CSTL1: variants seen among roughly 807,000 people sequenced by gnomAD.
CSTL1 encodes cystatin like 1.
In CSTL1, 14 loss-of-function variants were observed where a neutral mutation model predicts 14.4. The ratio of observed to expected loss-of-function variants is 0.97; its 90% CI spans 0.64 to 1.52. The LOEUF (loss-of-function observed/expected upper bound fraction) is 1.52. Among genes scored for constraint, CSTL1 ranks in the 40% most tolerant of loss-of-function variants. CSTL1 has a pLI of 0.00. For synonymous variants in CSTL1, 72 were observed against 67.5 expected, an observed-to-expected ratio of 1.07 and a Z score of -0.33; for missense variants, 170 against 168.7, an observed-to-expected ratio of 1.01 and a Z score of -0.04.
At chr20:23,450,515 G>C in the CSTL1 span, 8 of 1,611,498 alleles carry the variant, frequency 5.0e-6, no homozygotes, top group Non-Finnish European at 6.8e-6. Flanking sequence ...CCTAGTCACT[G>C]CTGCAGCTTT....
chr20:23,445,962 C>T (rs955947701), downstream of CSTL1, among the ~76,000 whole-genome samples: 2 of 152,146 alleles, frequency 1.3e-5, no homozygotes, highest in African/African-American at 4.8e-5. Context: ...GCTCAATTCC[C>T]CCAGAAGTGA....
the CSTL1 span, among the ~76,000 whole-genome samples, chr20:23,457,147 G>C: frequency 6.6e-6 from 1 of 152,138 alleles, no homozygotes; most frequent in Non-Finnish European, 1.5e-5. Context: ...GGTTCTTTTG[G>C]CTGAGGTATG....
intron 2 of CSTL1, 78 bp from the exon 3 acceptor site, chr20:23,443,856 C>A: frequency 1.9e-6 from 2 of 1,028,162 alleles, no homozygotes; most frequent in Non-Finnish European, 3.0e-6. Context: ...GCTTTACTCT[C>A]AGTCCTAGCT....
chr20:23,453,812 C>G, the CSTL1 span, among the ~76,000 whole-genome samples: 1 of 152,136 alleles, frequency 6.6e-6, no homozygotes, highest in South Asian at 2.1e-4. Flanking sequence ...GCCAGGGCCT[C>G]TTTCCTGACA....
At chr20:23,454,843 A>G in the CSTL1 span, among the ~76,000 whole-genome samples, 1 of 152,216 alleles carries the variant, frequency 6.6e-6, no homozygotes, top group Non-Finnish European at 1.5e-5. Flanking sequence ...TATTTTCCTC[A>G]GTAACAGAGC....
the CSTL1 span, among the ~76,000 whole-genome samples, chr20:23,453,552 G>A: frequency 6.6e-6 from 1 of 152,240 alleles, no homozygotes; most frequent in African/African-American, 2.4e-5. Context: ...AGACTTGGCT[G>A]CCAGTTAGAG....
chr20:23,440,449 T>C lies in CSTL1; in HGVS notation c.182T>C (p.Leu61Ser). Residue 61 changes from leucine to serine, a missense_variant, in exon 2 of 4, where the codon TTA (leucine) becomes TCA (serine). Transcript: ENST00000347397. ...AACAATGCCAGCAACGACACCTACT[T>C]ATATCGAGTCCAGAGGCTAATTCGA... ...SYNNASNDTY[L>S]YRVQRLIRSQ... is the part of the protein sequence containing the mutation. 6.2e-7 allele frequency: 1 copy of C among 1,614,060 alleles called. No individual in the cohort carries two copies. Among genetic ancestry groups the C allele is most frequent in the Non-Finnish European group, 8.5e-7 (1 of 1,179,938 alleles).
downstream of CSTL1, chr20:23,444,949 C>T: frequency 9.8e-7 from 1 of 1,020,818 alleles, no homozygotes; most frequent in Non-Finnish European, 1.5e-6. Context: ...TCATTGGGGT[C>T]TTATTACACA....
rs967719174 is a variant in CSTL1 at position 23,444,053 on chromosome 20, T to A, written c.330+9T>A. 4 of 1,605,410 alleles carry A rather than the reference T, an allele frequency of 2.5e-6. No homozygotes were observed. The highest frequency in any genetic ancestry group is 1.7e-5 in the Admixed American group (1 of 60,000). ...GCAAGAAGCTGAGAAAGGTGTGTAG[T>A]GGAAGTCATCCCAAAGGGACTTGTG... On this transcript the variant is annotated intron_variant, in intron 3 of 3. Coordinates refer to ENST00000347397, the MANE Select transcript of CSTL1 (RefSeq NM_138283.1).
the CSTL1 span, among the ~76,000 whole-genome samples, chr20:23,454,616 C>T: frequency 2.6e-5 from 4 of 152,230 alleles, no homozygotes; most frequent in Admixed American, 6.5e-5. Flanking sequence ...TCTGTCTCCA[C>T]CTCCTGTCTG....
At position 23,444,772 on chromosome 20, in the gene CSTL1, G is replaced by C. The variant is rs1372063043; in HGVS notation, c.332G>C (p.Ser111Thr). 1 of 1,603,834 alleles carries C rather than the reference G, an allele frequency of 6.2e-7. No individual in the cohort carries two copies. The highest frequency in any genetic ancestry group is 1.3e-5 in the African/African-American group (1 of 74,822). Residue 111 changes from serine (S) to threonine (T), a missense_variant and splice_region_variant, in exon 4 of 4, where the codon AGT (serine) becomes ACT (threonine). Coordinates refer to ENST00000347397, the MANE Select transcript of CSTL1 (RefSeq NM_138283.1). ...TCTGTTTTCTTTCTTCTTCTACAGA[G>C]TTTAATTTGCGAGTCTTTGATATAC... The part of the protein sequence containing the change: ...CPLQSKKLRK[S>T]LICESLIYTM...
At position 23,440,322 on chromosome 20, in the gene CSTL1, T is replaced by C; in HGVS notation, c.55T>C (p.Ser19Pro). ...GCTGCTGCTGATTGCCCTGGTCCTG[T>C]CAGCCAAGCTGGGTCACTTCCAAAG... Reference protein sequence around the residue: ...PLLLLIALVLSAKLGHFQRWE... With the variant: ...PLLLLIALVLPAKLGHFQRWE... The change falls in exon 2 of 4, where the codon TCA (serine) becomes CCA (proline). Residue 19 changes from serine (S) to proline (P), a missense_variant. By Grantham distance (74) the Ser-to-Pro change is moderately conservative. Transcript: ENST00000347397. 6.2e-7 allele frequency: 1 copy of C among 1,614,178 alleles called. No individual in the cohort carries two copies. Among genetic ancestry groups the C allele is most frequent in the Non-Finnish European group, 8.5e-7 (1 of 1,180,036 alleles).
At chr20:23,443,756 T>A (rs536517481) in intron 2 of CSTL1, among the ~76,000 whole-genome samples, 178 bp from the exon 3 acceptor site, 6 of 152,330 alleles carry the variant, frequency 3.9e-5, no homozygotes, top group Admixed American at 3.9e-4. Context: ...GGGCTTTGGC[T>A]GCCATTGCCC....
the CSTL1 span, chr20:23,452,688 T>G: frequency 6.2e-7 from 1 of 1,614,120 alleles, no homozygotes; most frequent in Non-Finnish European, 8.5e-7. Flanking sequence ...TTCGCATAGT[T>G]TTCTACTGCC....
At chr20:23,440,585 T>A in intron 2 of CSTL1, 99 bp downstream of exon 2, 1 of 911,950 alleles carries the variant, frequency 1.1e-6, no homozygotes, top group Non-Finnish European at 1.8e-6. Flanking sequence ...CAAGTGGTGG[T>A]CCTCCGTGAG....
At chr20:23,450,352 G>A in the CSTL1 span, 26 of 537,930 alleles carry the variant, frequency 4.8e-5, no homozygotes, top group Admixed American at 1.7e-4. Flanking sequence ...TTATTACTAT[G>A]AGCTGAAGAA....
At chr20:23,453,936 AACAC>A in the CSTL1 span, among the ~76,000 whole-genome samples, 1 of 151,944 alleles carries the variant, frequency 6.6e-6, no homozygotes, top group Non-Finnish European at 1.5e-5. Flanking sequence ...CTCACACTGA[AACAC>A]AGACACACAA....
chr20:23,456,621 A>G, the CSTL1 span, among the ~76,000 whole-genome samples: 1 of 152,048 alleles, frequency 6.6e-6, no homozygotes, highest in Non-Finnish European at 1.5e-5. Context: ...AGCTGTGCTC[A>G]TTTCCTGTGG....
At chr20:23,451,930 C>T in the CSTL1 span, 1 of 1,606,760 alleles carries the variant, frequency 6.2e-7, no homozygotes, top group Non-Finnish European at 8.5e-7. Flanking sequence ...CCTGTGGGCG[C>T]CAGGCGTGGG....
Sources: allele counts gnomAD v4.1 joint callset (sites outside exome capture counted in the v4.1 genomes callset), GRCh38; gene constraint gnomAD v4.1.1; transcripts MANE v1.5; gene names NCBI Gene and HGNC (gene_info 2026-07-23, HGNC 2026-07-21).